Variants in NAA30 observed in about 807,000 individuals in gnomAD.
NAA30 encodes N-alpha-acetyltransferase 30.
A neutral mutation model predicts 31.4 loss-of-function variants in NAA30; 5 were observed. The ratio of observed to expected loss-of-function variants is 0.16; its 90% CI spans 0.08 to 0.33. The LOEUF is 0.33. Among genes scored for constraint, NAA30 ranks in the 10% least tolerant of loss-of-function variants. NAA30 has a pLI of 1.00. For synonymous variants in NAA30, 222 were observed against 207.1 expected (o/e 1.07, Z -0.62); for missense variants, 428 against 490.8 (o/e 0.87, Z 1.21).
intron 4 of NAA30, among the ~76,000 whole-genome samples, chr14:57,405,733 TAGC>T (rs1316629520): frequency 1.3e-5 from 2 of 152,206 alleles, no homozygotes; most frequent in Non-Finnish European, 2.9e-5. Flanking sequence ...ATTCAGGAAA[TAGC>T]AGTGGAAGGG....
rs79499789 is a variant in NAA30, at chr14:57,414,357, G to C, written c.*4841G>C. ...TTCCACCCCACCAACCACTGCCCTTGTTATGTAGCCTTTCTGAGAAAAGCA... is the reference window on the plus strand; with the variant it reads ...TTCCACCCCACCAACCACTGCCCTTCTTATGTAGCCTTTCTGAGAAAAGCA... On this transcript the variant is annotated 3_prime_UTR_variant, in exon 5 of 5. Coordinates refer to ENST00000556492, the MANE Select transcript of NAA30 (RefSeq NM_001011713.3). The C allele has an allele frequency of 2.0e-5, 3 of 152,302 alleles. No homozygotes were observed. The South Asian group carries it at 6.2e-4, about 32-fold the overall frequency. 9.4% of individuals were successfully genotyped at this position (152,302 alleles called of 1,614,324 possible).
At chr14:57,393,623 A>T (rs934157373) in intron 2 of NAA30, among the ~76,000 whole-genome samples, 1 of 152,188 alleles carries the variant, frequency 6.6e-6, no homozygotes, top group Non-Finnish European at 1.5e-5. Flanking sequence ...GAGATAATCT[A>T]GCCCAACTTA....
At chr14:57,407,610 T>C (rs777630912) in intron 4 of NAA30, among the ~76,000 whole-genome samples, 49 of 152,136 alleles carry the variant, frequency 3.2e-4, no homozygotes, top group Non-Finnish European at 5.9e-4. Context: ...GAAAATTCAG[T>C]GTTGAGCATG....
chr14:57,390,831 G>C lies in NAA30; in HGVS notation c.-2+126G>C, dbSNP rs914044217. The C allele has an allele frequency of 1.1e-5, 10 of 913,906 alleles. No individual in the cohort carries two copies. In the Admixed American group the frequency reaches 1.5e-4, roughly 14 times the overall value. The allele number at this position is 913,906 out of a possible 1,614,324, so 56.6% of individuals were successfully genotyped here. A position where few individuals can be genotyped will look rare whatever the true frequency, so the allele number is the denominator to read the frequency against. The stretch of plus-strand genomic sequence containing the variant: ...GGGGGTGGCGGGGAATTGGGGGGCA[G>C]CTCCGTGAGGGACGGTTTCTGCCTT... On this transcript the variant is annotated intron_variant, in intron 1 of 4. Coordinates refer to ENST00000556492, the MANE Select transcript of NAA30 (RefSeq NM_001011713.3).
chr14:57,401,344 T>TA (rs1350594483), intron 4 of NAA30, among the ~76,000 whole-genome samples: 1 of 152,206 alleles, frequency 6.6e-6, no homozygotes, highest in Non-Finnish European at 1.5e-5. Flanking sequence ...TCCTGGGATT[T>TA]AAAAATATCT....
chr14:57,409,002 T>C (rs977874272), intron 4 of NAA30, among the ~76,000 whole-genome samples: 1 of 152,236 alleles, frequency 6.6e-6, no homozygotes, highest in South Asian at 2.1e-4. Context: ...CTGCTTATAA[T>C]AATATAGCTT....
Position 57,409,588 on chromosome 14 carries a change from T to C in NAA30, c.*72T>C. ...TGCATGCAATGCAATTTGTACAGAA[T>C]TGCTTTGCAGGTGGATTTAGTAATT... is the stretch of plus-strand genomic sequence containing the variant. On this transcript the variant is annotated 3_prime_UTR_variant, in exon 5 of 5. Transcript: ENST00000556492. 5.5e-6 allele frequency: 8 copies of C among 1,451,522 alleles called. No homozygotes were observed. The highest frequency in any genetic ancestry group is 7.3e-6 in the Non-Finnish European group (8 of 1,091,332). The allele number at this position is 1,451,522 out of a possible 1,614,324, so 89.9% of individuals were successfully genotyped here. A position where few individuals can be genotyped will look rare whatever the true frequency, so the allele number is the denominator to read the frequency against.
At chr14:57,396,651 C>T (rs2139759819) in intron 2 of NAA30, 101 bp from the exon 3 acceptor site, 5 of 1,228,110 alleles carry the variant, frequency 4.1e-6, no homozygotes, top group Non-Finnish European at 5.9e-6. Flanking sequence ...TTATCTTCCC[C>T]CGTCGAAAAT....
chr14:57,391,825 G>C lies in NAA30; in HGVS notation c.771+97G>C. ...CAGAATGTGGCAGTGGATATCTCCT[G>C]CTGCGTATCATAGTACGTTATATGA... On this transcript the variant is annotated intron_variant, in intron 2 of 4. Transcript: ENST00000556492. The surrounding 1 kb of genome is among the most constrained non-coding windows in gnomAD (Gnocchi z 4.1). The C allele has an allele frequency of 1.1e-5, 10 of 882,948 alleles. No homozygotes were observed. The highest frequency in any genetic ancestry group is 1.4e-5 in the Non-Finnish European group (8 of 565,058). The allele number at this position is 882,948 out of a possible 1,614,324, so 54.7% of individuals were successfully genotyped here.
chr14:57,391,868 A>G lies in NAA30; in HGVS notation c.771+140A>G, dbSNP rs1422465045. On this transcript the variant is annotated intron_variant, in intron 2 of 4. Transcript: ENST00000556492. This position sits in a 1 kb window ranked among gnomAD's most constrained non-coding sequence, Gnocchi z 4.1. ...TTATATGATGTCAAGTGCTGTACAC[A>G]TTCCTAGTTATTTAATGAAATTGTT... 1.5e-6 allele frequency: 1 copy of G among 688,982 alleles called. No individual in the cohort carries two copies. The highest frequency in any genetic ancestry group is 2.4e-6 in the Non-Finnish European group (1 of 410,206). 42.7% of individuals were successfully genotyped at this position (688,982 alleles called of 1,614,324 possible).
chr14:57,407,221 TG>T (rs1328447196), intron 4 of NAA30, among the ~76,000 whole-genome samples: 2 of 152,134 alleles, frequency 1.3e-5, no homozygotes, highest in Non-Finnish European at 2.9e-5. Context: ...AGAGAGAAAT[TG>T]ACGTTTACTT....
rs1205807828 is a variant in NAA30 at position 57,414,985 on chromosome 14, C to T, written c.*5469C>T. 6.6e-6 allele frequency: 1 copy of T among 152,066 alleles called. No homozygotes were observed. Among genetic ancestry groups the T allele is most frequent in the Admixed American group, 6.5e-5 (1 of 15,274 alleles). The allele number at this position is 152,066 out of a possible 1,614,324, so 9.4% of individuals were successfully genotyped here. Reference sequence around the variant, plus strand: ...GGGGTTATAATGAAATAGTTTTAGTCTATGTAAGGTTTTTATAATGCTAAG... The same window carrying T: ...GGGGTTATAATGAAATAGTTTTAGTTTATGTAAGGTTTTTATAATGCTAAG... On this transcript the variant is annotated 3_prime_UTR_variant, in exon 5 of 5. Coordinates refer to ENST00000556492, the MANE Select transcript of NAA30 (RefSeq NM_001011713.3).
intron 4 of NAA30, among the ~76,000 whole-genome samples, chr14:57,405,249 C>T (rs930025418): frequency 1.3e-5 from 2 of 151,834 alleles, no homozygotes; most frequent in African/African-American, 4.8e-5. Context: ...TATTAGGAGC[C>T]AAGAAGATCT....
intron 3 of NAA30, among the ~76,000 whole-genome samples, chr14:57,398,123 C>T (rs1272741431): frequency 6.6e-6 from 1 of 152,018 alleles, no homozygotes; most frequent in Non-Finnish European, 1.5e-5. Context: ...TGTTATTGTC[C>T]AACCTAAGAC....
intron 4 of NAA30, among the ~76,000 whole-genome samples, chr14:57,400,097 G>A (rs2066468408): frequency 1.3e-5 from 2 of 152,110 alleles, no homozygotes; most frequent in African/African-American, 4.8e-5. Flanking sequence ...ATGTGTGGGG[G>A]GAATCTTAGA....
At position 57,412,970 on chromosome 14, in the gene NAA30, G is replaced by T. The variant is rs2066530040; in HGVS notation, c.*3454G>T. 1 of 152,174 alleles carries T rather than the reference G, an allele frequency of 6.6e-6. No individual in the cohort carries two copies. Among genetic ancestry groups the T allele is most frequent in the Non-Finnish European group, 1.5e-5 (1 of 68,008 alleles). The allele number at this position is 152,174 out of a possible 1,614,324, so 9.4% of individuals were successfully genotyped here. On this transcript the variant is annotated 3_prime_UTR_variant, in exon 5 of 5. Coordinates refer to ENST00000556492, the MANE Select transcript of NAA30 (RefSeq NM_001011713.3). ...AACTTGATTTTTCTAAAAGTACTCA[G>T]TCAACTCATATGTCAGTTATCGGTA...
At position 57,390,642 on chromosome 14, in the gene NAA30, A is replaced by G. The variant is rs940674228; in HGVS notation, c.-65A>G. On this transcript the variant is annotated 5_prime_UTR_variant, in exon 1 of 5. Transcript: ENST00000556492. ...GGCTGTGGAGGCTGCCGCGGCTGCGAAGGAGGCGGCGGCGGTGGCGGAGGA... is the reference window on the plus strand; with the variant it reads ...GGCTGTGGAGGCTGCCGCGGCTGCGGAGGAGGCGGCGGCGGTGGCGGAGGA... 3 of 355,628 alleles carry G rather than the reference A, an allele frequency of 8.4e-6. No individual in the cohort carries two copies. The highest frequency in any genetic ancestry group is 1.5e-5 in the Non-Finnish European group (3 of 199,206). The allele number at this position is 355,628 out of a possible 1,614,324, so 22.0% of individuals were successfully genotyped here. A position where few individuals can be genotyped will look rare whatever the true frequency, so the allele number is the denominator to read the frequency against.
intron 2 of NAA30, among the ~76,000 whole-genome samples, chr14:57,394,135 A>C (rs2066441361): frequency 1.3e-5 from 2 of 148,972 alleles, no homozygotes. Flanking sequence ...AAAAGGACAA[A>C]TGTGAGACAC....
At chr14:57,406,879 TGTGTATGTGTGAG>T (rs2066500320) in intron 4 of NAA30, among the ~76,000 whole-genome samples, 1 of 152,170 alleles carries the variant, frequency 6.6e-6, no homozygotes, top group Non-Finnish European at 1.5e-5. Context: ...TATGTCTGTG[TGTGTATGTGTGAG>T]TATTTTAATT....
Sources: allele counts gnomAD v4.1 joint callset (sites outside exome capture counted in the v4.1 genomes callset), GRCh38; gene constraint gnomAD v4.1.1; non-coding constraint Gnocchi (gnomAD v3.1); transcripts MANE v1.5; gene names NCBI Gene and HGNC (gene_info 2026-07-23, HGNC 2026-07-21).